Variants in COL4A6 observed in about 807,000 individuals in gnomAD.
COL4A6 encodes the protein collagen alpha-6(IV) chain.
A neutral mutation model predicts 126.7 loss-of-function variants in COL4A6; 59 were observed. The observed-to-expected ratio is 0.47, with a 90% confidence interval of 0.38 to 0.58. The LOEUF is 0.58. Among genes scored for constraint, COL4A6 ranks in the 20% least tolerant of loss-of-function variants. COL4A6 has a pLI of 0.00. For synonymous variants in COL4A6, 547 were observed against 496.6 expected (o/e 1.10, Z -1.35); for missense variants, 1,285 against 1,337.3 (o/e 0.96, Z 0.61).
At chrX:108,310,230 G>C (rs1025079616) in intron 3 of COL4A6, among the ~76,000 whole-genome samples, 1 of 111,561 alleles carries the variant, frequency 9.0e-6, no homozygotes, top group Non-Finnish European at 1.9e-5. Context: ...ACTTTAAAAC[G>C]TATCCTATGT....
chrX:108,219,140 C>T (rs1229188158), intron 5 of COL4A6, among the ~76,000 whole-genome samples: 1 of 112,237 alleles, frequency 8.9e-6, no homozygotes, highest in Non-Finnish European at 1.9e-5. Flanking sequence ...CCTTCCACTT[C>T]TCTTGGGCAG....
At chrX:108,427,753 G>A (rs1240753242) in intron 2 of COL4A6, among the ~76,000 whole-genome samples, 1 of 111,976 alleles carries the variant, frequency 8.9e-6, no homozygotes, top group East Asian at 2.8e-4. Context: ...GGCAGTGAAA[G>A]TCTGAAACTG....
intron 23 of COL4A6, among the ~76,000 whole-genome samples, chrX:108,182,704 A>C (rs1049267469): frequency 8.9e-6 from 1 of 112,190 alleles, no homozygotes; most frequent in Non-Finnish European, 1.9e-5. Context: ...ATCCTGCAAA[A>C]GACTCTCCTG....
At chrX:108,238,777 T>C (rs902075423) in intron 3 of COL4A6, among the ~76,000 whole-genome samples, 1 of 111,135 alleles carries the variant, frequency 9.0e-6, no homozygotes, top group African/African-American at 3.3e-5. Context: ...TGCTGTCAGA[T>C]TGTAAGCTGT....
rs1266321112 is a variant in COL4A6 at position 108,214,219 on chromosome X, C to T, written c.334G>A (p.Gly112Arg). Residue 112 changes from glycine (G) to arginine (R), a missense_variant, in exon 6 of 45, where the codon GGA becomes AGA. Transcript: ENST00000334504. ...LGINGIPGHP[G>R]QPGPRGPPGL... ...GGTGGGCCTCTGGGGCCTGGTTGTC[C>T]AGGGTGGCCCTGTTCAAAGAGAAAA... 2.5e-6 allele frequency: 3 copies of T among 1,188,724 alleles called. No homozygotes were observed. The Admixed American group carries it at 7.0e-5, about 28-fold the overall frequency.
chrX:108,180,682 G>T, intron 24 of COL4A6, 60 bp from the exon 25 acceptor site: 2 of 941,645 alleles, frequency 2.1e-6, no homozygotes, highest in Non-Finnish European at 2.9e-6. Flanking sequence ...GGTATGATTT[G>T]TGATGTTCAG....
At chrX:108,332,703 TA>T (rs773669364) in intron 2 of COL4A6, among the ~76,000 whole-genome samples, 2 of 111,458 alleles carry the variant, frequency 1.8e-5, no homozygotes, top group Admixed American at 1.9e-4. Flanking sequence ...AGTTATTTGT[TA>T]GTTTTTTTTT....
intron 2 of COL4A6, among the ~76,000 whole-genome samples, chrX:108,332,354 G>C (rs888014671): frequency 5.4e-5 from 6 of 111,557 alleles, no homozygotes; most frequent in African/African-American, 2.0e-4. Flanking sequence ...TTTCCTTTTG[G>C]TAGATACCCA....
intron 23 of COL4A6, among the ~76,000 whole-genome samples, chrX:108,184,890 G>A (rs897019074): frequency 8.9e-6 from 1 of 112,316 alleles, no homozygotes; most frequent in African/African-American, 3.2e-5. Flanking sequence ...CTAATAGCCA[G>A]AAGACTTGGA....
chrX:108,390,461 C>T (rs982508877), intron 2 of COL4A6, among the ~76,000 whole-genome samples: 7 of 108,762 alleles, frequency 6.4e-5, no homozygotes, highest in South Asian at 4.0e-4. Flanking sequence ...CTTTTCTTCT[C>T]GCTTTATTTC....
intron 2 of COL4A6, among the ~76,000 whole-genome samples, chrX:108,314,287 AGAT>A (rs1456823136): frequency 1.8e-5 from 2 of 112,089 alleles, no homozygotes; most frequent in Admixed American, 9.5e-5. Context: ...CCCATTTTAC[AGAT>A]GATAACACTG....
chrX:108,352,948 G>T (rs1305194242), intron 2 of COL4A6, among the ~76,000 whole-genome samples: 1 of 112,106 alleles, frequency 8.9e-6, no homozygotes, highest in Non-Finnish European at 1.9e-5. Flanking sequence ...ATGTATATTT[G>T]TTTTCTTTCC....
chrX:108,211,571 A>G (rs752726029), intron 7 of COL4A6, 101 bp downstream of exon 7: 13 of 744,210 alleles, frequency 1.7e-5, no homozygotes, highest in Non-Finnish European at 2.7e-5. Flanking sequence ...TTAAATAGAG[A>G]CACAGATGCT....
intron 3 of COL4A6, among the ~76,000 whole-genome samples, chrX:108,301,925 T>C (rs1182659305): frequency 8.9e-6 from 1 of 111,826 alleles, no homozygotes; most frequent in Admixed American, 9.5e-5. Context: ...TAAAGTTGGT[T>C]GCATGACTAT....
chrX:108,266,044 A>G (rs1412031510), intron 3 of COL4A6, among the ~76,000 whole-genome samples: 1 of 112,082 alleles, frequency 8.9e-6, no homozygotes, highest in Non-Finnish European at 1.9e-5. Context: ...TTGGAGGCAG[A>G]CATAAGCTGC....
intron 2 of COL4A6, among the ~76,000 whole-genome samples, chrX:108,398,455 A>C (rs1472529820): frequency 9.0e-6 from 1 of 111,500 alleles, no homozygotes; most frequent in Non-Finnish European, 1.9e-5. Context: ...TTAAAGTTCA[A>C]GAACATACAG....
intron 20 of COL4A6, 54 bp from the exon 21 acceptor site, chrX:108,188,731 TA>T: frequency 9.7e-7 from 1 of 1,029,490 alleles, no homozygotes; most frequent in South Asian, 3.1e-5. Flanking sequence ...CCAAGAAGAA[TA>T]AAGAATTGAT....
chrX:108,287,307 C>T (rs1287328384), intron 3 of COL4A6, among the ~76,000 whole-genome samples: 1 of 111,918 alleles, frequency 8.9e-6, no homozygotes, highest in African/African-American at 3.3e-5. Flanking sequence ...TATTTCCCTG[C>T]TCTTTTTGAT....
chrX:108,261,324 T>C (rs1367103675), intron 3 of COL4A6, among the ~76,000 whole-genome samples: 2 of 111,899 alleles, frequency 1.8e-5, no homozygotes, highest in Non-Finnish European at 3.8e-5. Context: ...TATTGGATGT[T>C]ACTGCCCTAG....
Sources: gnomAD v4.1 joint callset for allele counts (sites outside exome capture counted in the v4.1 genomes callset) on GRCh38, gnomAD v4.1.1 for gene constraint, MANE v1.5 for transcripts, NCBI Gene and HGNC (gene_info 2026-07-23, HGNC 2026-07-21) for gene names.